ZBTB43: variants seen among roughly 807,000 people sequenced by gnomAD.
The protein encoded by ZBTB43 is zinc finger and BTB domain-containing protein 43.
A neutral mutation model predicts 31.1 loss-of-function variants in ZBTB43; 6 were observed. The observed-to-expected ratio is 0.19, with a 90% CI of 0.11 to 0.38. ZBTB43 has a LOEUF of 0.38. Ranked by LOEUF, ZBTB43 falls within the 10% of genes least tolerant of loss-of-function variation. The pLI is 1.00. For missense variants in ZBTB43, 379 were observed against 602.1 expected (o/e 0.63, Z 3.88); for synonymous variants, 212 against 221.7 (o/e 0.96, Z 0.39).
intron 2 of ZBTB43, among the ~76,000 whole-genome samples, chr9:126,815,255 GTTTTCAATATATAAAACTATATATATA>G: frequency 8.0e-6 from 1 of 125,690 alleles, no homozygotes; most frequent in Non-Finnish European, 1.6e-5. Context: ...TATATATATA[GTTTTCAATATATAAAACTATATATATA>G]TAGTTTTCAA....
Position 126,832,782 on chromosome 9 carries a change from A to G in ZBTB43, c.273A>G (p.Gly91=). The G allele has an allele frequency of 6.2e-7, 1 of 1,614,122 alleles. No individual in the cohort carries two copies. The highest frequency in any genetic ancestry group is 8.5e-7 in the Non-Finnish European group (1 of 1,180,020). The change falls in exon 3 of 3, where the codon GGA becomes GGG. Residue 91 remains glycine, a synonymous_variant. Transcript: ENST00000373464. The stretch of plus-strand genomic sequence containing the variant: ...ACATTCTCCTATCTAGTTATACAGG[A>G]CGTCTAGTAATGCCCGCTCCAGAAA... ...FENILLSSYT[G]RLVMPAPEIV...
rs62640042 is a variant in ZBTB43 at position 126,832,878 on chromosome 9, A to G, written c.369A>G (p.Leu123=). Residue 123 remains leucine (L), a synonymous_variant, in exon 3 of 3, where the codon TTA becomes TTG. Coordinates refer to ENST00000373464, the MANE Select transcript of ZBTB43 (RefSeq NM_014007.4). ...WHVVDKCTEV[L]EGNPTVLCQK... ...TGGTAGACAAATGCACTGAAGTTTT[A>G]GAGGGAAACCCTACAGTCCTTTGTC... 1.2e-6 allele frequency: 2 copies of G among 1,614,068 alleles called. No homozygotes were observed. Among genetic ancestry groups the G allele is most frequent in the Middle Eastern group, 1.6e-4 (1 of 6,062 alleles).
At chr9:126,818,958 G>T (rs977568140) in intron 2 of ZBTB43, among the ~76,000 whole-genome samples, 7 of 152,156 alleles carry the variant, frequency 4.6e-5, no homozygotes, top group Non-Finnish European at 1.0e-4. Context: ...TTAAATGTTT[G>T]TTAGAATTTA....
chr9:126,818,633 T>TTTCCCC (rs1271438944), intron 2 of ZBTB43, among the ~76,000 whole-genome samples: 1 of 152,224 alleles, frequency 6.6e-6, no homozygotes, highest in Non-Finnish European at 1.5e-5. Context: ...TATGTGTTTT[T>TTTCCCC]TTCCCCTTCA....
rs556985883 is a variant in ZBTB43 at position 126,824,827 on chromosome 9, C to G, written c.-23-7660C>G. On this transcript the variant is annotated intron_variant, in intron 2 of 2. Transcript: ENST00000373464. ...TTTATCAGTTTTTAGAAGTGTTTGA[C>G]CATTATATATTTCTTCAAATTGTTT... 5.1e-4 allele frequency among the ~76,000 whole-genome samples: 78 copies of G among 152,206 alleles called. No homozygotes were observed. In the South Asian group the frequency reaches 0.015, roughly 29 times the overall value.
chr9:126,832,364 C>A (rs909891234), intron 2 of ZBTB43, 123 bp from the exon 3 acceptor site: 2 of 885,656 alleles, frequency 2.3e-6, no homozygotes, highest in Non-Finnish European at 1.7e-6. Context: ...AATCCCTTAC[C>A]CAGTGGGGCC....
intron 2 of ZBTB43, among the ~76,000 whole-genome samples, chr9:126,811,411 G>C (rs2119112444): frequency 6.6e-6 from 1 of 152,112 alleles, no homozygotes; most frequent in East Asian, 1.9e-4. Context: ...CTATTGAGTG[G>C]GTTGCTGTGA....
At chr9:126,814,522 G>A (rs1223407048) in intron 2 of ZBTB43, among the ~76,000 whole-genome samples, 4 of 151,808 alleles carry the variant, frequency 2.6e-5, no homozygotes, top group African/African-American at 9.7e-5. Flanking sequence ...GGCCGGGCGC[G>A]GTGGCTTACG....
In ZBTB43 at chr9:126,833,139, G is replaced by A; in HGVS notation, c.630G>A (p.Met210Ile). Residue 210 changes from methionine to isoleucine, a missense_variant, in exon 3 of 3, where the codon ATG (methionine) becomes ATA (isoleucine). Coordinates refer to ENST00000373464, the MANE Select transcript of ZBTB43 (RefSeq NM_014007.4). This position sits in a 1 kb window ranked among gnomAD's most constrained non-coding sequence, Gnocchi z 7.9. ...AGCATGACCGCCTGAGCACGGAAATGGCAAGCCAGGATGGGGAGGAGGGCG... is the reference window on the plus strand; with the variant it reads ...AGCATGACCGCCTGAGCACGGAAATAGCAAGCCAGGATGGGGAGGAGGGCG... ...STEHDRLSTE[M>I]ASQDGEEGAS... The A allele has an allele frequency of 6.2e-7, 1 of 1,614,000 alleles. No homozygotes were observed. The highest frequency in any genetic ancestry group is 1.1e-5 in the South Asian group (1 of 91,088).
At chr9:126,827,886 G>A (rs1004894906) in intron 2 of ZBTB43, among the ~76,000 whole-genome samples, 5 of 152,082 alleles carry the variant, frequency 3.3e-5, no homozygotes, top group African/African-American at 1.2e-4. Flanking sequence ...GGTGGCACAT[G>A]CCTGTAATCT....
At chr9:126,807,129 A>G (rs1003402470) in intron 1 of ZBTB43, among the ~76,000 whole-genome samples, 4 of 152,200 alleles carry the variant, frequency 2.6e-5, no homozygotes, top group Non-Finnish European at 4.4e-5. Flanking sequence ...TTCTAATAAG[A>G]TATCACAACT....
At position 126,809,993 on chromosome 9, in the gene ZBTB43, C is replaced by CA. The variant is rs1588350820; in HGVS notation, c.-24+1078_-24+1079insA. ...GGGATTACAGGTGCCGGCCACCACA[C>CA]CCGGCTAATTTTTTTGTATTTTTAG... On this transcript the variant is annotated intron_variant, in intron 2 of 2. Coordinates refer to ENST00000373464, the MANE Select transcript of ZBTB43 (RefSeq NM_014007.4). Among the ~76,000 whole-genome samples, 7 of 151,882 alleles carry CA rather than the reference C, an allele frequency of 4.6e-5. No homozygotes were observed. In the East Asian group the frequency reaches 1.4e-3, roughly 29 times the overall value.
chr9:126,814,599 C>G (rs1307008596), intron 2 of ZBTB43, among the ~76,000 whole-genome samples: 1 of 151,990 alleles, frequency 6.6e-6, no homozygotes, highest in Non-Finnish European at 1.5e-5. Flanking sequence ...CGAGACCATC[C>G]TGGCTAACAC....
At chr9:126,815,381 A>T (rs1206086450) in intron 2 of ZBTB43, among the ~76,000 whole-genome samples, 1 of 147,900 alleles carries the variant, frequency 6.8e-6, no homozygotes, top group Non-Finnish European at 1.5e-5. Context: ...TATAGTTTTC[A>T]TGTGTCTGAT....
intron 1 of ZBTB43, among the ~76,000 whole-genome samples, chr9:126,807,730 G>A (rs1278597737): frequency 1.3e-5 from 2 of 151,976 alleles, no homozygotes; most frequent in East Asian, 3.9e-4. Flanking sequence ...CCGCCTCCTG[G>A]GTTCAAGCGA....
At chr9:126,807,411 AGT>A (rs2032150709) in intron 1 of ZBTB43, among the ~76,000 whole-genome samples, 1 of 152,158 alleles carries the variant, frequency 6.6e-6, no homozygotes, top group Non-Finnish European at 1.5e-5. Flanking sequence ...TTCAATTCAG[AGT>A]GTGTCCATAT....
At chr9:126,829,363 A>G (rs888080949) in intron 2 of ZBTB43, among the ~76,000 whole-genome samples, 8 of 152,216 alleles carry the variant, frequency 5.3e-5, no homozygotes, top group Non-Finnish European at 1.0e-4. Flanking sequence ...CTATTGTAGC[A>G]TTGCTTGTGA....
intron 2 of ZBTB43, among the ~76,000 whole-genome samples, chr9:126,822,682 G>T (rs543137600): frequency 6.6e-6 from 1 of 152,328 alleles, no homozygotes; most frequent in Non-Finnish European, 1.5e-5. Flanking sequence ...CAAGGCTGCA[G>T]TGAGCCGTGA....
At chr9:126,819,318 G>T (rs2032461043) in intron 2 of ZBTB43, among the ~76,000 whole-genome samples, 1 of 137,242 alleles carries the variant, frequency 7.3e-6, no homozygotes, top group Admixed American at 7.8e-5. Context: ...AATAGTCTGT[G>T]GCAACCCTGC....
Sources: allele counts gnomAD v4.1 joint callset (sites outside exome capture counted in the v4.1 genomes callset), GRCh38; gene constraint gnomAD v4.1.1; non-coding constraint Gnocchi (gnomAD v3.1); transcripts MANE v1.5; gene names NCBI Gene and HGNC (gene_info 2026-07-23, HGNC 2026-07-21).